The following ZNF496 variants were observed in gnomAD, a reference collection of about 807,000 sequenced individuals.
The protein encoded by ZNF496 is NSD1 (nuclear receptor binding SET-domain containing 1)-interacting zinc finger protein 1.
A neutral mutation model predicts 58.9 loss-of-function variants in ZNF496; 11 were observed. The observed-to-expected ratio is 0.19, with a 90% CI of 0.12 to 0.31. The LOEUF is 0.31. ZNF496 is among the 10% of genes least tolerant of loss of function. The pLI is 1.00. For missense variants in ZNF496, 660 were observed against 783.0 expected (o/e 0.84, Z 1.88); for synonymous variants, 338 against 318.2 (o/e 1.06, Z -0.66).
chr1:247,312,677 T>C (rs1468803230), intron 6 of ZNF496: 1 of 146,260 alleles, frequency 6.8e-6, no homozygotes, highest in Non-Finnish European at 1.5e-5. Context: ...GAGGTTGCAG[T>C]GAGCAGAGAT....
intron 9 of ZNF496, among the ~76,000 whole-genome samples, chr1:247,305,850 C>T (rs370414856): frequency 3.3e-5 from 5 of 152,298 alleles, no homozygotes; most frequent in East Asian, 3.9e-4. Context: ...GAAGCCAAAG[C>T]AGAAAGGCTG....
chr1:247,324,490 A>G (rs929547346), intron 5 of ZNF496, among the ~76,000 whole-genome samples: 1 of 151,958 alleles, frequency 6.6e-6, no homozygotes, highest in African/African-American at 2.4e-5. Flanking sequence ...CAGAAAAAGG[A>G]TAGGTATATG....
At chr1:247,316,706 G>A (rs947729983) in intron 6 of ZNF496, among the ~76,000 whole-genome samples, 15 of 152,168 alleles carry the variant, frequency 9.9e-5, no homozygotes, top group Admixed American at 2.6e-4. Flanking sequence ...TGACTAGACA[G>A]TCAAGGCATC....
At chr1:247,326,568 C>T (rs1335573904) in intron 5 of ZNF496, among the ~76,000 whole-genome samples, 1 of 152,168 alleles carries the variant, frequency 6.6e-6, no homozygotes, top group South Asian at 2.1e-4. Flanking sequence ...CACAGCCCCC[C>T]ACTTCCTGCA....
At position 247,301,124 on chromosome 1, in the gene ZNF496, C is replaced by T. The variant is rs999442194; in HGVS notation, c.1159G>A (p.Ala387Thr). 4 of 1,613,698 alleles carry T rather than the reference C, an allele frequency of 2.5e-6. No individual in the cohort carries two copies. The highest frequency in any genetic ancestry group is 3.4e-6 in the Non-Finnish European group (4 of 1,179,974). ...GCCTCGGTGCTGCTCCGGTGGGAGG[C>T]GGGGAGGCTGCGCTGCTTCTCTGTG... ...SPTEKQRSLP[A>T]SHRSSTEAGG... Residue 387 changes from alanine (A) to threonine (T), a missense_variant, in exon 10 of 10, where the codon GCC becomes ACC. Ala to Thr is a moderately conservative substitution (Grantham distance 58). Coordinates refer to ENST00000682384, the MANE Select transcript of ZNF496 (RefSeq NM_032752.3).
intron 6 of ZNF496, 43 bp downstream of exon 6, chr1:247,323,111 G>C: frequency 1.3e-6 from 2 of 1,537,846 alleles, no homozygotes; most frequent in Non-Finnish European, 1.8e-6. Context: ...AGCCTACAGA[G>C]GCAAACAGGG....
chr1:247,300,830 G>A lies in ZNF496; in HGVS notation c.1453C>T (p.His485Tyr). Reference protein sequence around the residue: ...NSHLLSHRRIHLQPDRLQPVE... With the variant: ...NSHLLSHRRIYLQPDRLQPVE... ...GGCTGGAGTCTGTCCGGCTGCAGGT[G>A]TATCCGCCGGTGGGAGAGCAGGTGG... Residue 485 changes from histidine to tyrosine, a missense_variant, in exon 10 of 10, where the codon CAC (histidine) becomes TAC (tyrosine). Physicochemically the swap from His to Tyr is moderately conservative, Grantham distance 83. Transcript: ENST00000682384. The surrounding 1 kb of genome is among the most constrained non-coding windows in gnomAD (Gnocchi z 5.7). The A allele has an allele frequency of 6.2e-7, 1 of 1,609,054 alleles. No homozygotes were observed. Among genetic ancestry groups the A allele is most frequent in the Non-Finnish European group, 8.5e-7 (1 of 1,176,930 alleles).
chr1:247,311,302 A>C (rs1365483821), intron 6 of ZNF496: 1 of 152,230 alleles, frequency 6.6e-6, no homozygotes, highest in Non-Finnish European at 1.5e-5. Flanking sequence ...TGGGAGGCTG[A>C]GGCAGGAGAA....
Position 247,310,389 on chromosome 1 carries a change from G to T in ZNF496, c.719C>A (p.Pro240His). The stretch of plus-strand genomic sequence containing the variant: ...CTCTCCATAGAAGCCAGTCTGGGCA[G>T]GATCTAGAAGGGACCAATCCTCTTC... ...FSEEDWSLLD[P>H]AQTGFYGEFI... is the part of the protein sequence containing the mutation. The change falls in exon 7 of 10, where the codon CCT becomes CAT. Residue 240 changes from proline to histidine, a missense_variant. Physicochemically the swap from Pro to His is moderately conservative, Grantham distance 77. Coordinates refer to ENST00000682384, the MANE Select transcript of ZNF496 (RefSeq NM_032752.3). The T allele has an allele frequency of 6.2e-7, 1 of 1,614,182 alleles. No individual in the cohort carries two copies. The highest frequency in any genetic ancestry group is 8.5e-7 in the Non-Finnish European group (1 of 1,180,024).
In ZNF496 at chr1:247,307,514, G is replaced by A. The variant is rs748270654; in HGVS notation, c.1006+961C>T. ...TCAGGCCTGCGCTTGAACTCCAAGTGGACCCCAAATGAATGCATCACTCTT... is the reference window on the plus strand; with the variant it reads ...TCAGGCCTGCGCTTGAACTCCAAGTAGACCCCAAATGAATGCATCACTCTT... On this transcript the variant is annotated intron_variant, in intron 9 of 9. Coordinates refer to ENST00000682384, the MANE Select transcript of ZNF496 (RefSeq NM_032752.3). 1.3e-3 allele frequency: 1,262 copies of A among 985,394 alleles called. 1 individual carries two copies. The highest frequency in any genetic ancestry group is 1.4e-3 in the Non-Finnish European group (1,201 of 829,932). The allele number at this position is 985,394 out of a possible 1,614,324, so 61.0% of individuals were successfully genotyped here. A position where few individuals can be genotyped will look rare whatever the true frequency, so the allele number is the denominator to read the frequency against.
chr1:247,327,362 C>A (rs551303255), intron 5 of ZNF496, among the ~76,000 whole-genome samples: 1 of 152,220 alleles, frequency 6.6e-6, no homozygotes, highest in Non-Finnish European at 1.5e-5. Flanking sequence ...CCGCGCCCAA[C>A]CCCTAGCTCC....
At chr1:247,324,221 A>G (rs1327301837) in intron 5 of ZNF496, among the ~76,000 whole-genome samples, 1 of 152,228 alleles carries the variant, frequency 6.6e-6, no homozygotes, top group Non-Finnish European at 1.5e-5. Context: ...CAGACACAAA[A>G]AGAAATACTG....
intron 2 of ZNF496, 49 bp downstream of exon 2, chr1:247,331,383 G>A (rs1472849599): frequency 6.6e-6 from 1 of 152,174 alleles, no homozygotes; most frequent in Non-Finnish European, 1.5e-5. Flanking sequence ...CGCGCCCTCG[G>A]TCTCCCTCAC....
chr1:247,308,422 G>T lies in ZNF496; in HGVS notation c.1006+53C>A. On this transcript the variant is annotated intron_variant, in intron 9 of 9. Transcript: ENST00000682384. This position sits in a 1 kb window ranked among gnomAD's most constrained non-coding sequence, Gnocchi z 4.5. ...CACACATGCATACATACATTCATGC[G>T]ACACACCACAGACACACAGGGACAA... The T allele has an allele frequency of 6.6e-7, 1 of 1,518,884 alleles. No homozygotes were observed. The highest frequency in any genetic ancestry group is 9.1e-7 in the Non-Finnish European group (1 of 1,094,956). 94.1% of individuals were successfully genotyped at this position (1,518,884 alleles called of 1,614,324 possible). A position where few individuals can be genotyped will look rare whatever the true frequency, so the allele number is the denominator to read the frequency against.
chr1:247,309,918 C>T lies in ZNF496; in HGVS notation c.785-112G>A. 1.4e-6 allele frequency: 2 copies of T among 1,392,076 alleles called. No individual in the cohort carries two copies. Among genetic ancestry groups the T allele is most frequent in the Admixed American group, 2.2e-5 (1 of 44,820 alleles). The allele number at this position is 1,392,076 out of a possible 1,614,324, so 86.2% of individuals were successfully genotyped here. A position where few individuals can be genotyped will look rare whatever the true frequency, so the allele number is the denominator to read the frequency against. ...GGATGCCCAGCGGGCATGGCACCATCAGGGGCGAGAAGTGAAAAGGCCAGA... is the reference window on the plus strand; with the variant it reads ...GGATGCCCAGCGGGCATGGCACCATTAGGGGCGAGAAGTGAAAAGGCCAGA... On this transcript the variant is annotated intron_variant, in intron 7 of 9. Coordinates refer to ENST00000682384, the MANE Select transcript of ZNF496 (RefSeq NM_032752.3). The surrounding 1 kb of genome is among the most constrained non-coding windows in gnomAD (Gnocchi z 4.3).
chr1:247,307,263 G>A (rs937237085), intron 9 of ZNF496: 16 of 985,288 alleles, frequency 1.6e-5, no homozygotes, highest in Non-Finnish European at 1.9e-5. Context: ...AATAAGTACA[G>A]TGCCCACTCT....
rs756378533 is a variant in ZNF496, at chr1:247,323,181, C to A, written c.624G>T (p.Gln208His). The A allele has an allele frequency of 6.2e-6, 10 of 1,613,962 alleles. No individual in the cohort carries two copies. The African/African-American group carries it at 1.3e-4, about 22-fold the overall frequency. The change falls in exon 6 of 10, where the codon CAG becomes CAT. Residue 208 changes from glutamine (Q) to histidine (H), a missense_variant. Gln to His is a conservative substitution (Grantham distance 24). Coordinates refer to ENST00000682384, the MANE Select transcript of ZNF496 (RefSeq NM_032752.3). Reference sequence around the variant, plus strand: ...GGGGTAGCTGGAGGGTGGTCACCTGCTGTGTGTCCCGCACATTCTCTTCCT... The same window carrying A: ...GGGGTAGCTGGAGGGTGGTCACCTGATGTGTGTCCCGCACATTCTCTTCCT... ...LLQEENVRDT[Q>H]QVTTLQLPPS...
chr1:247,308,749 G>GA lies in ZNF496; in HGVS notation c.893-162dup. On this transcript the variant is annotated intron_variant, in intron 8 of 9. Transcript: ENST00000682384. This position sits in a 1 kb window ranked among gnomAD's most constrained non-coding sequence, Gnocchi z 4.5. ...GCCACTCAATAAGTGTCTGCTGAGT[G>GA]AATGAACCTGAAGGCAAAATGGGCC... The GA allele has an allele frequency of 1.6e-6, 1 of 614,092 alleles. No homozygotes were observed. The highest frequency in any genetic ancestry group is 2.8e-6 in the Non-Finnish European group (1 of 352,270). 38.0% of individuals were successfully genotyped at this position (614,092 alleles called of 1,614,324 possible). A position where few individuals can be genotyped will look rare whatever the true frequency, so the allele number is the denominator to read the frequency against.
At chr1:247,321,024 A>G (rs1303089449) in intron 6 of ZNF496, among the ~76,000 whole-genome samples, 2 of 152,114 alleles carry the variant, frequency 1.3e-5, no homozygotes, top group Non-Finnish European at 2.9e-5. Flanking sequence ...AAGAATACAA[A>G]AATTAGCCAA....
Sources: allele counts gnomAD v4.1 joint callset (sites outside exome capture counted in the v4.1 genomes callset), GRCh38; gene constraint gnomAD v4.1.1; non-coding constraint Gnocchi (gnomAD v3.1); transcripts MANE v1.5; gene names NCBI Gene and HGNC (gene_info 2026-07-23, HGNC 2026-07-21).